Variants in RPH3A observed in about 807,000 individuals in gnomAD.
RPH3A encodes the protein rabphilin-3A.
Under a neutral mutation model 102.2 loss-of-function variants are expected in RPH3A, and 48 were observed. The observed-to-expected ratio is 0.47, with a 90% CI of 0.37 to 0.60. The LOEUF (loss-of-function observed/expected upper bound fraction) is 0.60. Among genes scored for constraint, RPH3A ranks in the 20% least tolerant of loss-of-function variants. RPH3A has a pLI of 0.00. For missense variants in RPH3A, 781 were observed against 910.1 expected (o/e 0.86, Z 1.83); for synonymous variants, 310 against 324.3 (o/e 0.96, Z 0.47).
In RPH3A at chr12:112,831,959, A is replaced by G. The variant is rs1003681398; in HGVS notation, c.71+3570A>G. On this transcript the variant is annotated intron_variant, in intron 3 of 21. Coordinates refer to ENST00000389385, the MANE Select transcript of RPH3A (RefSeq NM_001143854.2). Reference sequence around the variant, plus strand: ...TTGTACTTCCTGAAACAGTGGATTCATGTTTTTCAGCATGAAAATTCTAGA... The same window carrying G: ...TTGTACTTCCTGAAACAGTGGATTCGTGTTTTTCAGCATGAAAATTCTAGA... The G allele has an allele frequency of 1.2e-5, 3 of 251,364 alleles. No individual in the cohort carries two copies. The Admixed American group carries it at 1.6e-4, about 14-fold the overall frequency. 15.6% of individuals were successfully genotyped at this position (251,364 alleles called of 1,614,324 possible).
chr12:112,646,184 C>T (rs999706527), intron 1 of RPH3A, among the ~76,000 whole-genome samples: 2 of 152,014 alleles, frequency 1.3e-5, no homozygotes, highest in Non-Finnish European at 2.9e-5. Flanking sequence ...TATCTTGATT[C>T]GACTGGCTTA....
At chr12:112,856,680 G>C (rs749690856) in intron 5 of RPH3A, among the ~76,000 whole-genome samples, 1 of 152,274 alleles carries the variant, frequency 6.6e-6, no homozygotes, top group Admixed American at 6.5e-5. Flanking sequence ...GACAGACTTC[G>C]CAGGCAGATG....
intron 4 of RPH3A, among the ~76,000 whole-genome samples, chr12:112,837,452 A>G (rs1187021254): frequency 6.6e-6 from 1 of 152,108 alleles, no homozygotes; most frequent in Non-Finnish European, 1.5e-5. Flanking sequence ...GAAAAATAAC[A>G]TTATCAGGCC....
intron 4 of RPH3A, among the ~76,000 whole-genome samples, chr12:112,839,328 T>C (rs918599327): frequency 3.3e-5 from 5 of 152,040 alleles, no homozygotes; most frequent in African/African-American, 1.2e-4. Context: ...TTTTTTGCCA[T>C]GGTGAATAAT....
chr12:112,764,078 C>T (rs1224205558), intron 1 of RPH3A, among the ~76,000 whole-genome samples: 2 of 152,210 alleles, frequency 1.3e-5, no homozygotes, highest in Non-Finnish European at 2.9e-5. Context: ...TGGGACATTT[C>T]CAGGTTCCTT....
intron 2 of RPH3A, among the ~76,000 whole-genome samples, chr12:112,795,291 TTGA>T (rs2041207893): frequency 6.6e-6 from 1 of 152,232 alleles, no homozygotes; most frequent in Admixed American, 6.5e-5. Flanking sequence ...AAGCCAGGAA[TTGA>T]TGTGAAGCCA....
intron 5 of RPH3A, among the ~76,000 whole-genome samples, chr12:112,853,102 C>T (rs1016652858): frequency 6.6e-6 from 1 of 152,188 alleles, no homozygotes; most frequent in Non-Finnish European, 1.5e-5. Flanking sequence ...TTCCACCTTC[C>T]CCTGTGTTTT....
At chr12:112,841,707 G>GTTTTTTTTTTTTTT (rs761403652) in intron 4 of RPH3A, among the ~76,000 whole-genome samples, 1 of 145,012 alleles carries the variant, frequency 6.9e-6, no homozygotes, top group African/African-American at 2.5e-5. Context: ...TGTTTTTTTG[G>GTTTTTTTTTTTTTT]TTTTTTTTTT....
chr12:112,670,480 T>C (rs2040120164), intron 1 of RPH3A, among the ~76,000 whole-genome samples: 1 of 152,184 alleles, frequency 6.6e-6, no homozygotes, highest in Non-Finnish European at 1.5e-5. Flanking sequence ...TAAGAGGGTA[T>C]ATATATTAGT....
At chr12:112,621,728 C>T (rs1238381552) in intron 1 of RPH3A, among the ~76,000 whole-genome samples, 1 of 152,110 alleles carries the variant, frequency 6.6e-6, no homozygotes, top group East Asian at 1.9e-4. Context: ...GGCCTGCCTG[C>T]CACTGTAGGC....
intron 2 of RPH3A, among the ~76,000 whole-genome samples, chr12:112,821,136 G>A (rs2041770867): frequency 6.6e-6 from 1 of 152,200 alleles, no homozygotes; most frequent in Non-Finnish European, 1.5e-5. Context: ...GAGAAGGCAG[G>A]AATGACCAGG....
intron 1 of RPH3A, among the ~76,000 whole-genome samples, chr12:112,749,867 T>G (rs2040774351): frequency 6.6e-6 from 1 of 152,206 alleles, no homozygotes; most frequent in Non-Finnish European, 1.5e-5. Context: ...ATGGGCTGAA[T>G]TAGAGTTCTC....
rs185855648 is a variant in RPH3A at position 112,720,760 on chromosome 12, C to T, written c.-139-71383C>T. On this transcript the variant is annotated intron_variant, in intron 1 of 21. Coordinates refer to the RPH3A transcript ENST00000543106. ...GCATATTCCAATCCTATGCTTGTGT[C>T]ACATATGCAGGTATCATATTGAGCA... is the stretch of plus-strand genomic sequence containing the variant. Among the ~76,000 whole-genome samples the T allele has an allele frequency of 2.9e-3, 440 of 152,288 alleles. 3 individuals are homozygous for T. The highest frequency in any genetic ancestry group is 5.2e-3 in the Non-Finnish European group (354 of 68,024).
At chr12:112,803,247 A>G (rs993499985) in intron 2 of RPH3A, among the ~76,000 whole-genome samples, 1 of 152,090 alleles carries the variant, frequency 6.6e-6, no homozygotes, top group Non-Finnish European at 1.5e-5. Flanking sequence ...GCTAGAAAGG[A>G]CACTGAGTTA....
intron 16 of RPH3A, among the ~76,000 whole-genome samples, chr12:112,886,623 G>A (rs755811207): frequency 6.6e-6 from 1 of 152,096 alleles, no homozygotes; most frequent in Non-Finnish European, 1.5e-5. Flanking sequence ...GGAGACTCTT[G>A]TCCTAAGGGA....
rs1475752867 is a variant in RPH3A, at chr12:112,612,144, C to G, written c.-140+36825C>G. Among the ~76,000 whole-genome samples, 3 of 152,350 alleles carry G rather than the reference C, an allele frequency of 2.0e-5. No homozygotes were observed. In the South Asian group the frequency reaches 6.2e-4, roughly 32 times the overall value. ...AAGGAGCAATGTCTATTGAATAACTCAGCCCCGCCTGTCAAAATATTTTTT... is the reference window on the plus strand; with the variant it reads ...AAGGAGCAATGTCTATTGAATAACTGAGCCCCGCCTGTCAAAATATTTTTT... On this transcript the variant is annotated intron_variant, in intron 1 of 21. Coordinates refer to the RPH3A transcript ENST00000543106.
intron 1 of RPH3A, among the ~76,000 whole-genome samples, chr12:112,758,109 C>T (rs56097650): frequency 0.081 from 12,393 of 152,224 alleles, 685 homozygotes; most frequent in Non-Finnish European, 0.13. Context: ...ACTGTAGAAT[C>T]CAGTTGCTCC....
chr12:112,818,402 T>A (rs1289063871), intron 2 of RPH3A, among the ~76,000 whole-genome samples: 1 of 151,220 alleles, frequency 6.6e-6, no homozygotes, highest in Non-Finnish European at 1.5e-5. Flanking sequence ...GATTCAGGCA[T>A]GGCTGGATCC....
At chr12:112,881,729 G>A (rs1412642746) in intron 14 of RPH3A, 43 bp from the exon 15 acceptor site, 1 of 1,461,622 alleles carries the variant, frequency 6.8e-7, no homozygotes, top group South Asian at 1.2e-5. Context: ...CTGAGCACTG[G>A]GCCCTCCTGA....
Sources: gnomAD v4.1 joint callset for allele counts (sites outside exome capture counted in the v4.1 genomes callset) on GRCh38, gnomAD v4.1.1 for gene constraint, MANE v1.5 for transcripts, NCBI Gene and HGNC (gene_info 2026-07-23, HGNC 2026-07-21) for gene names.